TCOF1: variants seen among roughly 807,000 people sequenced by gnomAD.
TCOF1 encodes treacle ribosome biogenesis factor 1.
TCOF1 carries 33 observed loss-of-function variants against 149.0 expected under a neutral mutation model. That is an observed-to-expected ratio of 0.22 (90% CI 0.17 to 0.30). The LOEUF (loss-of-function observed/expected upper bound fraction) is 0.30, where lower values mean the gene tolerates loss of function less well. TCOF1 is among the 10% of genes least tolerant of loss of function. TCOF1 has a pLI of 1.00. For missense variants in TCOF1, 1,728 were observed against 1,840.7 expected (o/e 0.94, Z 1.12); for synonymous variants, 789 against 738.8 (o/e 1.07, Z -1.10).
intron 23 of TCOF1, chr5:150,394,799 C>T (rs2151078084): frequency 1.3e-5 from 2 of 152,420 alleles, no homozygotes; most frequent in Middle Eastern, 3.3e-3. Flanking sequence ...CGCCTGTACT[C>T]CCAGCAACTC....
In TCOF1 at chr5:150,392,167, C is replaced by T; in HGVS notation, c.3508C>T (p.His1170Tyr). The T allele has an allele frequency of 6.2e-7, 1 of 1,613,866 alleles. No homozygotes were observed. Among genetic ancestry groups the T allele is most frequent in the Non-Finnish European group, 8.5e-7 (1 of 1,179,836 alleles). Residue 1170 changes from histidine to tyrosine, a missense_variant, in exon 21 of 27, where the codon CAC becomes TAC. His to Tyr is a moderately conservative substitution (Grantham distance 83). Transcript: ENST00000643257. Reference sequence around the variant, plus strand: ...AGGGCCCCAGGGGGCCAAGTCAGCCCACACGCTGGGTGAGGGTGCCAGGGG... The same window carrying T: ...AGGGCCCCAGGGGGCCAAGTCAGCCTACACGCTGGGTGAGGGTGCCAGGGG... ...GEGPQGAKSA[H>Y]TLVGPTPSRT...
intron 17 of TCOF1, chr5:150,384,572 G>A (rs1765887884): frequency 1.0e-6 from 1 of 985,458 alleles, no homozygotes; most frequent in Non-Finnish European, 1.2e-6. Flanking sequence ...GGAGGGAGGG[G>A]ACCGCTCCCC....
intron 17 of TCOF1, among the ~76,000 whole-genome samples, chr5:150,386,800 A>G (rs968535253): frequency 6.6e-6 from 1 of 152,254 alleles, no homozygotes; most frequent in Non-Finnish European, 1.5e-5. Context: ...CTGGAGGTTC[A>G]GGAAGGAAAT....
chr5:150,358,899 T>G (rs1759325050), intron 1 of TCOF1, among the ~76,000 whole-genome samples: 1 of 151,276 alleles, frequency 6.6e-6, no homozygotes, highest in Non-Finnish European at 1.5e-5. Flanking sequence ...TGTAAATGCC[T>G]TGTGGTGGGA....
At chr5:150,361,582 G>C (rs1419526006) in intron 2 of TCOF1, among the ~76,000 whole-genome samples, 1 of 152,216 alleles carries the variant, frequency 6.6e-6, no homozygotes, top group Admixed American at 6.5e-5. Context: ...TAGCCAAGGA[G>C]GTAGGCATAA....
intron 4 of TCOF1, chr5:150,368,129 G>A: frequency 8.9e-6 from 5 of 559,482 alleles, no homozygotes; most frequent in South Asian, 8.1e-5. Context: ...GCCTGCTGCA[G>A]TGGGCCACTG....
At chr5:150,388,148 C>T (rs1307305605) in intron 18 of TCOF1, 60 bp downstream of exon 18, 3 of 1,605,296 alleles carry the variant, frequency 1.9e-6, no homozygotes, top group Non-Finnish European at 2.6e-6. Flanking sequence ...ACATTGAGGC[C>T]CAGAAGGGAC....
At chr5:150,390,463 G>A (rs1193786799) in intron 19 of TCOF1, among the ~76,000 whole-genome samples, 2 of 152,126 alleles carry the variant, frequency 1.3e-5, no homozygotes, top group East Asian at 1.9e-4. Context: ...GTTAATGGCT[G>A]GTGCATTGTT....
Position 150,383,672 on chromosome 5 carries a change from A to G in TCOF1, c.2859+3940A>G, listed in dbSNP as rs1581165874. On this transcript the variant is annotated intron_variant, in intron 17 of 26. Transcript: ENST00000643257. ...GTTTCCCCAAATTCTCATGATTCAT[A>G]AGAGGCTGAGGAAAGGTCCAAACGC... The G allele has an allele frequency of 1.4e-5, 20 of 1,476,354 alleles. No individual in the cohort carries two copies. In the East Asian group the frequency reaches 4.9e-4, roughly 36 times the overall value. 91.5% of individuals were successfully genotyped at this position (1,476,354 alleles called of 1,614,324 possible).
At chr5:150,360,528 C>T (rs1251990162) in intron 1 of TCOF1, among the ~76,000 whole-genome samples, 1 of 152,132 alleles carries the variant, frequency 6.6e-6, no homozygotes, top group African/African-American at 2.4e-5. Flanking sequence ...TGGGGAAAAC[C>T]CTGTCTCATG....
intron 14 of TCOF1, among the ~76,000 whole-genome samples, chr5:150,378,047 C>T (rs969842984): frequency 5.9e-5 from 9 of 152,198 alleles, no homozygotes; most frequent in African/African-American, 1.4e-4. Context: ...GGAGGATTTA[C>T]GTGCTCTACT....
At chr5:150,387,792 CCT>C in intron 17 of TCOF1, 108 bp from the exon 18 acceptor site, 2 of 1,483,622 alleles carry the variant, frequency 1.3e-6, no homozygotes, top group Non-Finnish European at 1.9e-6. Context: ...CCCAGCTGCC[CCT>C]GAGCTCAGTG....
chr5:150,374,974 C>T lies in TCOF1; in HGVS notation c.1299C>T (p.Ala433=). ...TCCAGGCGAAGCCTTCAGGGAAGGC[C>T]CCCCAGGTCAGAGCCGCCTCGGCCC... ...APAQAKPSGK[A]PQVRAASAPA... is the part of the protein sequence containing the mutation. The change falls in exon 10 of 27, where the codon GCC becomes GCT. Residue 433 remains alanine, a synonymous_variant. Transcript: ENST00000643257. 1 of 1,613,602 alleles carries T rather than the reference C, an allele frequency of 6.2e-7. No individual in the cohort carries two copies. Among genetic ancestry groups the T allele is most frequent in the Non-Finnish European group, 8.5e-7 (1 of 1,179,942 alleles).
intron 7 of TCOF1, among the ~76,000 whole-genome samples, chr5:150,372,990 C>G (rs1401846080): frequency 6.6e-6 from 1 of 152,200 alleles, no homozygotes. Context: ...CCCACCCCAT[C>G]TACAGGGAAC....
At chr5:150,372,263 T>C in intron 7 of TCOF1, 27 bp downstream of exon 7, 4 of 1,582,684 alleles carry the variant, frequency 2.5e-6, no homozygotes, top group Non-Finnish European at 3.4e-6. Flanking sequence ...GGCTGCCCCT[T>C]GGAGGACCTG....
intron 17 of TCOF1, chr5:150,383,985 T>G (rs887141224): frequency 1.4e-5 from 20 of 1,404,228 alleles, no homozygotes; most frequent in Non-Finnish European, 9.2e-7. Flanking sequence ...CCCTTTGTCC[T>G]CCTCTAGCCC....
intron 21 of TCOF1, 119 bp downstream of exon 21, chr5:150,392,295 C>A: frequency 1.9e-6 from 2 of 1,040,544 alleles, no homozygotes; most frequent in South Asian, 1.6e-5. Flanking sequence ...TGTGGCTGAG[C>A]CTGGGCCTCA....
chr5:150,358,845 AAG>A (rs1019908715), intron 1 of TCOF1, among the ~76,000 whole-genome samples: 4 of 151,838 alleles, frequency 2.6e-5, no homozygotes, highest in East Asian at 1.9e-4. Context: ...TCAAAAAAAA[AAG>A]AGAGATGGAT....
chr5:150,383,877 G>A, intron 17 of TCOF1: 8 of 1,544,144 alleles, frequency 5.2e-6, no homozygotes, highest in Non-Finnish European at 7.0e-6. Context: ...GTGGGACCAG[G>A]CCCACCTTAT....
Sources: allele counts gnomAD v4.1 joint callset (sites outside exome capture counted in the v4.1 genomes callset), GRCh38; gene constraint gnomAD v4.1.1; transcripts MANE v1.5; gene names NCBI Gene and HGNC (gene_info 2026-07-23, HGNC 2026-07-21).